The following KCNH8 variants were observed in gnomAD, a reference collection of about 807,000 sequenced individuals.
KCNH8 encodes voltage-gated delayed rectifier potassium channel KCNH8.
A neutral mutation model predicts 103.6 loss-of-function variants in KCNH8; 70 were observed. The observed-to-expected ratio is 0.68, with a 90% CI of 0.56 to 0.82. KCNH8 has a LOEUF of 0.82. KCNH8 is among the 40% of genes least tolerant of loss of function. KCNH8 has a pLI of 0.00. For synonymous variants in KCNH8, 498 were observed against 489.4 expected (o/e 1.02, Z -0.23); for missense variants, 1,217 against 1,329.9 (o/e 0.92, Z 1.32).
chr3:19,211,604 G>A (rs1435213905), intron 1 of KCNH8, among the ~76,000 whole-genome samples: 2 of 152,076 alleles, frequency 1.3e-5, no homozygotes, highest in Non-Finnish European at 2.9e-5. Flanking sequence ...ATAGACCTCA[G>A]TCTGATATTT....
intron 1 of KCNH8, among the ~76,000 whole-genome samples, chr3:19,253,394 A>C (rs944455131): frequency 6.6e-6 from 1 of 152,012 alleles, no homozygotes; most frequent in East Asian, 1.9e-4. Flanking sequence ...ACTAGATGGT[A>C]GGTGCCACAA....
intron 1 of KCNH8, among the ~76,000 whole-genome samples, chr3:19,205,923 T>C (rs1034290679): frequency 4.7e-4 from 71 of 151,956 alleles, no homozygotes; most frequent in African/African-American, 1.7e-3. Flanking sequence ...CTGAGCAGTA[T>C]ACACTGAACC....
At chr3:19,326,078 G>A (rs1366727917) in intron 3 of KCNH8, among the ~76,000 whole-genome samples, 2 of 151,968 alleles carry the variant, frequency 1.3e-5, no homozygotes, top group Admixed American at 1.3e-4. Context: ...GCAAACTAAT[G>A]CAGGAACACA....
chr3:19,341,570 A>G (rs2065660135), intron 3 of KCNH8, among the ~76,000 whole-genome samples: 1 of 152,138 alleles, frequency 6.6e-6, no homozygotes, highest in Non-Finnish European at 1.5e-5. Context: ...GGCACATATG[A>G]TGAGAAAATG....
intron 7 of KCNH8, among the ~76,000 whole-genome samples, chr3:19,407,079 A>G (rs555290483): frequency 1.3e-5 from 2 of 152,154 alleles, no homozygotes; most frequent in African/African-American, 4.8e-5. Context: ...TGTTCCAAAG[A>G]AGGAGTAAGT....
chr3:19,222,285 T>A (rs1559429244), intron 1 of KCNH8, among the ~76,000 whole-genome samples: 1 of 150,742 alleles, frequency 6.6e-6, no homozygotes, highest in East Asian at 1.9e-4. Flanking sequence ...ATAAAACATA[T>A]TTTTTTTCCT....
At chr3:19,157,508 G>A (rs1235512933) in intron 1 of KCNH8, among the ~76,000 whole-genome samples, 1 of 151,962 alleles carries the variant, frequency 6.6e-6, no homozygotes, top group African/African-American at 2.4e-5. Flanking sequence ...TAGGCCTCTT[G>A]TTTAGCTGTA....
chr3:19,533,077 G>C (rs1044556362), intron 15 of KCNH8, among the ~76,000 whole-genome samples: 2 of 151,854 alleles, frequency 1.3e-5, no homozygotes, highest in African/African-American at 4.8e-5. Flanking sequence ...TGTGGTGGGC[G>C]CCTGTAGTCC....
intron 2 of KCNH8, among the ~76,000 whole-genome samples, chr3:19,271,018 T>C (rs2064579983): frequency 6.6e-6 from 1 of 152,200 alleles, no homozygotes; most frequent in Non-Finnish European, 1.5e-5. Context: ...ATTTGTTACA[T>C]GTCCTAGCTT....
At chr3:19,286,828 C>T (rs2064838947) in intron 3 of KCNH8, among the ~76,000 whole-genome samples, 1 of 152,132 alleles carries the variant, frequency 6.6e-6, no homozygotes, top group African/African-American at 2.4e-5. Flanking sequence ...TTTTGATCCA[C>T]ACTTGGTTGA....
chr3:19,149,685 A>G (rs1387537760), intron 1 of KCNH8, among the ~76,000 whole-genome samples: 2 of 152,086 alleles, frequency 1.3e-5, no homozygotes, highest in African/African-American at 4.8e-5. Context: ...AGTCTGTACT[A>G]CCACCCCTAA....
chr3:19,366,954 G>T (rs2066019975), intron 5 of KCNH8, among the ~76,000 whole-genome samples: 1 of 152,000 alleles, frequency 6.6e-6, no homozygotes, highest in South Asian at 2.1e-4. Flanking sequence ...TTAAATATTT[G>T]TTGAGGACCA....
intron 7 of KCNH8, among the ~76,000 whole-genome samples, chr3:19,427,499 A>T (rs2067046095): frequency 6.6e-6 from 1 of 152,218 alleles, no homozygotes; most frequent in Admixed American, 6.5e-5. Context: ...ATTACATAGA[A>T]AAATGGGTTC....
At chr3:19,372,290 A>G (rs1217300293) in intron 5 of KCNH8, among the ~76,000 whole-genome samples, 1 of 151,428 alleles carries the variant, frequency 6.6e-6, no homozygotes, top group Admixed American at 6.6e-5. Flanking sequence ...TATTTCCTTG[A>G]GCACTGGTTT....
intron 3 of KCNH8, among the ~76,000 whole-genome samples, chr3:19,294,701 CAA>C (rs1390714804): frequency 6.6e-6 from 1 of 152,120 alleles, no homozygotes; most frequent in Admixed American, 6.6e-5. Context: ...CTTTTAAAGA[CAA>C]ATAATGCAAA....
At chr3:19,308,434 T>C (rs984804730) in intron 3 of KCNH8, among the ~76,000 whole-genome samples, 1 of 151,846 alleles carries the variant, frequency 6.6e-6, no homozygotes, top group East Asian at 1.9e-4. Context: ...GCCTAATCAG[T>C]TACCTTGGGA....
chr3:19,425,399 T>C (rs752026140), intron 7 of KCNH8, among the ~76,000 whole-genome samples: 1 of 152,206 alleles, frequency 6.6e-6, no homozygotes, highest in Non-Finnish European at 1.5e-5. Flanking sequence ...GTTTCCCCAA[T>C]AGACTGCAAG....
chr3:19,380,721 A>T (rs995152666), intron 5 of KCNH8, among the ~76,000 whole-genome samples: 1 of 152,254 alleles, frequency 6.6e-6, no homozygotes, highest in African/African-American at 2.4e-5. Context: ...GCTAGAGTGA[A>T]GAGCACTCAG....
chr3:19,453,573 T>C (rs1473825683), intron 10 of KCNH8, among the ~76,000 whole-genome samples: 1 of 152,092 alleles, frequency 6.6e-6, no homozygotes, highest in East Asian at 1.9e-4. Flanking sequence ...CCCCCAAAAT[T>C]GATATGTCAA....
Sources: allele counts gnomAD v4.1 joint callset (sites outside exome capture counted in the v4.1 genomes callset), GRCh38; gene constraint gnomAD v4.1.1; transcripts MANE v1.5; gene names NCBI Gene and HGNC (gene_info 2026-07-23, HGNC 2026-07-21).